The following PTH2R variants were observed in gnomAD, a reference collection of about 807,000 sequenced individuals.
PTH2R encodes the protein PTH2 receptor.
PTH2R carries 59 observed loss-of-function variants against 60.3 expected under a neutral mutation model. The ratio of observed to expected loss-of-function variants is 0.98; its 90% CI spans 0.79 to 1.22. The LOEUF (loss-of-function observed/expected upper bound fraction) is 1.22, where lower values mean the gene tolerates loss of function less well. Ranked by LOEUF, PTH2R falls within the 50% of genes most tolerant of loss-of-function variation. PTH2R has a pLI of 0.00. For missense variants in PTH2R, 749 were observed against 682.6 expected (o/e 1.10, Z -1.08); for synonymous variants, 256 against 243.8 (o/e 1.05, Z -0.47).
intron 1 of PTH2R, among the ~76,000 whole-genome samples, chr2:208,378,281 G>A (rs920505656): frequency 1.3e-5 from 2 of 150,644 alleles, no homozygotes; most frequent in Admixed American, 6.6e-5. Flanking sequence ...GCTGAGGCAG[G>A]AGAATCAGGC....
In PTH2R at chr2:208,365,938, ATATATATATATATATATATATATTTTT is replaced by A. The variant is rs1282775265; in HGVS notation, c.-259+5703_-259+5729del. ...TATAATATAATAGATAAATATATAT[ATATATATATATATATATATATATTTTT>A]TTTTTTTTTTTTTTTTTTTTTTTTT... On this transcript the variant is annotated intron_variant, in intron 1 of 12. Transcript: ENST00000617735. Among the ~76,000 whole-genome samples the A allele has an allele frequency of 9.1e-3, 96 of 10,532 alleles. 6 individuals are homozygous for A. Among genetic ancestry groups the A allele is most frequent in the South Asian group, 0.029 (14 of 484 alleles). The allele number at this position is 10,532 out of a possible 152,430, so 6.9% of individuals were successfully genotyped here.
At chr2:208,372,438 T>G (rs772138184) in intron 1 of PTH2R, among the ~76,000 whole-genome samples, 2 of 152,106 alleles carry the variant, frequency 1.3e-5, no homozygotes, top group Non-Finnish European at 2.9e-5. Flanking sequence ...GACATATAAG[T>G]AGTTTTCTTG....
chr2:208,435,639 T>C (rs1702059999), intron 2 of PTH2R, among the ~76,000 whole-genome samples: 1 of 152,090 alleles, frequency 6.6e-6, no homozygotes, highest in South Asian at 2.1e-4. Context: ...AGCAAAGAAA[T>C]GGGGACCTTG....
chr2:208,447,791 T>C lies in PTH2R; in HGVS notation c.853+2904T>C, dbSNP rs115716959. Among the ~76,000 whole-genome samples the C allele has an allele frequency of 3.5e-3, 533 of 152,148 alleles. 4 individuals are homozygous for C. Among genetic ancestry groups the C allele is most frequent in the African/African-American group, 0.012 (502 of 41,560 alleles). Reference sequence around the variant, plus strand: ...AGAGAATAAAGGTGAATACTAATGATAACTGTTTCTTTTCATTCAACCAAG... The same window carrying C: ...AGAGAATAAAGGTGAATACTAATGACAACTGTTTCTTTTCATTCAACCAAG... On this transcript the variant is annotated intron_variant, in intron 7 of 12. Coordinates refer to ENST00000272847, the MANE Select transcript of PTH2R (RefSeq NM_005048.4).
Position 208,443,473 on chromosome 2 carries a change from C to G in PTH2R, c.635C>G (p.Ser212Cys). The G allele has an allele frequency of 6.2e-7, 1 of 1,613,588 alleles. No homozygotes were observed. Among genetic ancestry groups the G allele is most frequent in the Non-Finnish European group, 8.5e-7 (1 of 1,179,828 alleles). The stretch of plus-strand genomic sequence containing the variant: ...CACATAGGAGTAAAGGAGCTGGAGT[C>G]CCTAATAATGCAGGATGACCCACAA... ...HAHIGVKELE[S>C]LIMQDDPQNS... The change falls in exon 6 of 13, where the codon TCC becomes TGC. Residue 212 changes from serine to cysteine, a missense_variant. Physicochemically the swap from Ser to Cys is moderately radical, Grantham distance 112. Transcript: ENST00000272847.
At chr2:208,404,310 C>G (rs1285608094), upstream of PTH2R, among the ~76,000 whole-genome samples, 1 of 152,156 alleles carries the variant, frequency 6.6e-6, no homozygotes, top group East Asian at 1.9e-4. Context: ...AGTCCAACTT[C>G]TTAATTTTCT....
rs147754902 is a variant in PTH2R, at chr2:208,457,021, C to A, written c.915-2874C>A. 1.4e-3 allele frequency among the ~76,000 whole-genome samples: 214 copies of A among 152,130 alleles called. 1 individual carries two copies. Among genetic ancestry groups the A allele is most frequent in the African/African-American group, 3.8e-3 (159 of 41,494 alleles). On this transcript the variant is annotated intron_variant, in intron 8 of 12. Coordinates refer to ENST00000272847, the MANE Select transcript of PTH2R (RefSeq NM_005048.4). ...AGAGCCTGAATTGTATAATTGAATCCCAATGTGTTAGGAGACACCATGATG... is the reference window on the plus strand; with the variant it reads ...AGAGCCTGAATTGTATAATTGAATCACAATGTGTTAGGAGACACCATGATG...
intron 1 of PTH2R, among the ~76,000 whole-genome samples, chr2:208,414,581 A>G (rs1701602205): frequency 6.6e-6 from 1 of 151,936 alleles, no homozygotes; most frequent in Admixed American, 6.6e-5. Flanking sequence ...TTCTATTAGA[A>G]TATCTATTAG....
Position 208,467,473 on chromosome 2 carries a change from A to G in PTH2R, c.981+7512A>G, listed in dbSNP as rs117094543. 6.2e-3 allele frequency among the ~76,000 whole-genome samples: 940 copies of G among 152,312 alleles called. 14 individuals carry two copies. The highest frequency in any genetic ancestry group is 0.061 in the East Asian group (318 of 5,176). ...AGAGAAAGAAATCTCACTCCTTTTTATAGCCAAGCAGTTACAACTCATTAT... is the reference window on the plus strand; with the variant it reads ...AGAGAAAGAAATCTCACTCCTTTTTGTAGCCAAGCAGTTACAACTCATTAT... On this transcript the variant is annotated intron_variant, in intron 9 of 12. Transcript: ENST00000272847.
intron 1 of PTH2R, among the ~76,000 whole-genome samples, chr2:208,427,645 A>G (rs1241740936): frequency 6.6e-6 from 1 of 152,172 alleles, no homozygotes; most frequent in Non-Finnish European, 1.5e-5. Flanking sequence ...CCAAACTGTG[A>G]AACAAATTAA....
At chr2:208,458,247 C>T (rs1340261212) in intron 8 of PTH2R, among the ~76,000 whole-genome samples, 1 of 151,146 alleles carries the variant, frequency 6.6e-6, no homozygotes, top group Non-Finnish European at 1.5e-5. Context: ...ACTTGCAATA[C>T]ATCAGAACAC....
chr2:208,388,142 C>CA (rs1553541044), intron 1 of PTH2R, among the ~76,000 whole-genome samples: 6 of 148,432 alleles, frequency 4.0e-5, no homozygotes, highest in African/African-American at 1.5e-4. Context: ...ACCCCCCCCC[C>CA]CGTCTCTACT....
At chr2:208,374,668 A>G (rs116042839) in intron 1 of PTH2R, among the ~76,000 whole-genome samples, 2,353 of 151,808 alleles carry the variant, frequency 0.015, 32 homozygotes, top group Non-Finnish European at 0.026. Flanking sequence ...ACGCCTGGCT[A>G]AGTTTTGTAT....
intron 9 of PTH2R, among the ~76,000 whole-genome samples, chr2:208,460,852 A>G (rs1379731064): frequency 6.6e-6 from 1 of 152,170 alleles, no homozygotes; most frequent in Non-Finnish European, 1.5e-5. Flanking sequence ...TAGCAACTTG[A>G]TTATTAACTA....
intron 1 of PTH2R, among the ~76,000 whole-genome samples, chr2:208,392,108 A>T (rs369146751): frequency 6.6e-6 from 1 of 152,228 alleles, no homozygotes; most frequent in East Asian, 1.9e-4. Flanking sequence ...ATGTAACAGT[A>T]TGCAGAAAAA....
At chr2:208,470,748 C>T (rs766743947) in intron 9 of PTH2R, among the ~76,000 whole-genome samples, 11 of 152,030 alleles carry the variant, frequency 7.2e-5, no homozygotes, top group Admixed American at 5.2e-4. Context: ...TGAGAAGATA[C>T]CTGAAAATGT....
At chr2:208,455,796 T>A (rs1702498927) in intron 8 of PTH2R, among the ~76,000 whole-genome samples, 1 of 152,248 alleles carries the variant, frequency 6.6e-6, no homozygotes, top group African/African-American at 2.4e-5. Flanking sequence ...TGAGACTCAA[T>A]GTTTTCTAAT....
intron 1 of PTH2R, among the ~76,000 whole-genome samples, chr2:208,384,275 G>T (rs1361644327): frequency 6.6e-6 from 1 of 152,200 alleles, no homozygotes; most frequent in Non-Finnish European, 1.5e-5. Context: ...ACATCAAGAA[G>T]TTATGCCAGT....
chr2:208,389,278 G>A (rs1701063784), intron 1 of PTH2R, among the ~76,000 whole-genome samples: 1 of 147,742 alleles, frequency 6.8e-6, no homozygotes, highest in Non-Finnish European at 1.5e-5. Flanking sequence ...AATCTATTGA[G>A]GAAAACTTTC....
Sources: allele counts gnomAD v4.1 joint callset (sites outside exome capture counted in the v4.1 genomes callset), GRCh38; gene constraint gnomAD v4.1.1; transcripts MANE v1.5; gene names NCBI Gene and HGNC (gene_info 2026-07-23, HGNC 2026-07-21).